Variants in VPS13C observed in about 807,000 individuals in gnomAD.
VPS13C encodes vacuolar protein sorting 13 homolog C, also known as intermembrane lipid transfer protein VPS13C.
In VPS13C, 358 loss-of-function variants were observed where a neutral mutation model predicts 456.8. The observed-to-expected ratio is 0.78, with a 90% CI of 0.72 to 0.86. The LOEUF is 0.86. VPS13C is among the 40% of genes least tolerant of loss of function. The probability of loss-of-function intolerance (pLI) is 0.00; values close to 1 mark genes in which losing one functional copy is unlikely to be tolerated. For synonymous variants in VPS13C, 1,578 were observed against 1,486.7 expected, an observed-to-expected ratio of 1.06 and a Z score of -1.41; for missense variants, 4,818 against 4,385.4, an observed-to-expected ratio of 1.10 and a Z score of -2.79.
At chr15:61,981,319 C>CA (rs781766890) in intron 22 of VPS13C, 23 bp downstream of exon 22, 8 of 1,568,888 alleles carry the variant, frequency 5.1e-6, no homozygotes, top group East Asian at 4.6e-5. Flanking sequence ...GATGGGCAGA[C>CA]AAAAAAACGC....
chr15:61,910,416 G>T (rs920083040), intron 63 of VPS13C, 111 bp from the exon 64 acceptor site: 1 of 899,058 alleles, frequency 1.1e-6, no homozygotes. Flanking sequence ...AAATTATTAT[G>T]AAGTTTCTAA....
rs2045616998 is a variant in VPS13C, at chr15:61,973,518, A to G, written c.2553T>C (p.Pro851=). ...QSPERQVSSI[P]IISGGTKGLL... ...GACCTTTTGTACCACCTGAAATAAT[A>G]GGAATTGAGGATACCTAGCAAAGAA... is the stretch of plus-strand genomic sequence containing the variant. The change falls in exon 26 of 85, where the codon CCT becomes CCC. Residue 851 remains proline, a synonymous_variant. Coordinates refer to ENST00000644861, the MANE Select transcript of VPS13C (RefSeq NM_020821.3). 1.2e-6 allele frequency: 2 copies of G among 1,612,350 alleles called. No homozygotes were observed. The highest frequency in any genetic ancestry group is 2.2e-5 in the East Asian group (1 of 44,776).
At chr15:62,051,965 C>T (rs1040420515) in intron 1 of VPS13C, among the ~76,000 whole-genome samples, 8 of 152,174 alleles carry the variant, frequency 5.3e-5, no homozygotes, top group Admixed American at 5.2e-4. Context: ...TCACTTTATA[C>T]ATGAAGAAAT....
intron 45 of VPS13C, among the ~76,000 whole-genome samples, chr15:61,942,583 C>T (rs910266640): frequency 2.7e-5 from 4 of 145,764 alleles, no homozygotes; most frequent in African/African-American, 1.0e-4. Flanking sequence ...TGAGGAAAGA[C>T]AGTTAATTGT....
intron 40 of VPS13C, 60 bp downstream of exon 40, chr15:61,950,884 TA>T (rs2044766558): frequency 1.3e-6 from 1 of 765,182 alleles, no homozygotes; most frequent in African/African-American, 2.9e-5. Context: ...ATATTAAATA[TA>T]AGGGTAATAT....
In VPS13C at chr15:61,854,177, A is replaced by G. The variant is rs1893784908; in HGVS notation, c.*280T>C. On this transcript the variant is annotated 3_prime_UTR_variant, in exon 85 of 85. Coordinates refer to ENST00000644861, the MANE Select transcript of VPS13C (RefSeq NM_020821.3). ...TATTGACCTTTGCTTCACAATTTTAATATTAATGAAAATTTCATTCTGAGT... is the reference window on the plus strand; with the variant it reads ...TATTGACCTTTGCTTCACAATTTTAGTATTAATGAAAATTTCATTCTGAGT... The G allele has an allele frequency of 6.6e-6, 3 of 451,362 alleles. No individual in the cohort carries two copies. In the Admixed American group the frequency reaches 9.9e-5, roughly 15 times the overall value. The allele number at this position is 451,362 out of a possible 1,614,324, so 28.0% of individuals were successfully genotyped here.
chr15:61,917,037 C>T (rs940592017), intron 60 of VPS13C, among the ~76,000 whole-genome samples: 3 of 152,088 alleles, frequency 2.0e-5, no homozygotes, highest in Non-Finnish European at 4.4e-5. Context: ...AGCTATGGGA[C>T]CTTGAGCCAG....
intron 6 of VPS13C, among the ~76,000 whole-genome samples, chr15:62,024,604 C>T (rs2047572104): frequency 6.6e-6 from 1 of 152,038 alleles, no homozygotes; most frequent in Non-Finnish European, 1.5e-5. Context: ...GGTCCTTCTA[C>T]CCTGTTACCA....
chr15:62,002,886 T>C (rs887918587), intron 15 of VPS13C, among the ~76,000 whole-genome samples: 1 of 152,216 alleles, frequency 6.6e-6, no homozygotes, highest in Non-Finnish European at 1.5e-5. Flanking sequence ...TATATCTCTA[T>C]TTTGGTACCA....
At chr15:62,012,244 AC>A in intron 11 of VPS13C, 80 bp from the exon 12 acceptor site, 1 of 708,508 alleles carries the variant, frequency 1.4e-6, no homozygotes, top group South Asian at 1.9e-5. Flanking sequence ...ACACACACAC[AC>A]ACACACACAC....
chr15:61,903,410 A>C (rs764865389), intron 66 of VPS13C, among the ~76,000 whole-genome samples: 14 of 150,918 alleles, frequency 9.3e-5, no homozygotes, highest in Non-Finnish European at 1.9e-4. Context: ...AAGCAATACC[A>C]TTTACAAAAG....
intron 15 of VPS13C, among the ~76,000 whole-genome samples, chr15:62,004,539 T>C (rs1411765854): frequency 6.8e-6 from 1 of 147,912 alleles, no homozygotes; most frequent in Non-Finnish European, 1.5e-5. Context: ...GCTCTGATTT[T>C]AGTTATTTCT....
chr15:61,911,631 A>T (rs947840256), intron 63 of VPS13C, among the ~76,000 whole-genome samples: 3 of 152,206 alleles, frequency 2.0e-5, no homozygotes, highest in Non-Finnish European at 4.4e-5. Flanking sequence ...TAGAAAAAAG[A>T]CTATTAATGA....
At chr15:61,879,598 T>G (rs1895706756) in intron 73 of VPS13C, 1 of 152,106 alleles carries the variant, frequency 6.6e-6, no homozygotes, top group Non-Finnish European at 1.5e-5. Context: ...CAATTCCCAC[T>G]GTGCCTAAGA....
At chr15:61,884,779 G>A (rs1323199874) in intron 67 of VPS13C, among the ~76,000 whole-genome samples, 2 of 151,978 alleles carry the variant, frequency 1.3e-5, no homozygotes, top group Non-Finnish European at 2.9e-5. Context: ...ATGGTAATCT[G>A]TAATGAGCAT....
intron 24 of VPS13C, among the ~76,000 whole-genome samples, chr15:61,976,148 G>C (rs1028373750): frequency 2.6e-5 from 4 of 151,934 alleles, no homozygotes; most frequent in African/African-American, 9.7e-5. Flanking sequence ...TCAAATTTTG[G>C]AGCATTTCAA....
rs2043601156 is a variant in VPS13C at position 61,920,111 on chromosome 15, G to C, written c.7433C>G (p.Ser2478Cys). The C allele has an allele frequency of 6.2e-7, 1 of 1,613,250 alleles. No individual in the cohort carries two copies. The highest frequency in any genetic ancestry group is 2.2e-5 in the East Asian group (1 of 44,858). The change falls in exon 57 of 85, where the codon TCT becomes TGT. Residue 2478 changes from serine (S) to cysteine (C), a missense_variant. Ser to Cys is a moderately radical substitution (Grantham distance 112). This residue lies in a region of VPS13C where 4,552 missense variants were observed against 4,130.6 expected (regional missense o/e 1.10). Transcript: ENST00000644861. ...GGAGCTTTCTTGACGGCTCAATATA[G>C]ATAGGTTCCCTTGACTTGAAGGTAC... ...SMVPSSQGNL[S>C]ILSRQESSFF... is the part of the protein sequence containing the mutation.
intron 16 of VPS13C, among the ~76,000 whole-genome samples, chr15:61,994,025 G>A (rs992388712): frequency 1.3e-5 from 2 of 152,022 alleles, no homozygotes; most frequent in African/African-American, 4.8e-5. Flanking sequence ...GATGAAGACG[G>A]ATGCAGAGCG....
chr15:62,018,572 T>C (rs1212074701), intron 9 of VPS13C, among the ~76,000 whole-genome samples: 3 of 151,928 alleles, frequency 2.0e-5, no homozygotes, highest in Admixed American at 2.0e-4. Flanking sequence ...TGGTTCTGTT[T>C]ATATGCTGGA....
Sources: allele counts gnomAD v4.1 joint callset (sites outside exome capture counted in the v4.1 genomes callset), GRCh38; gene constraint gnomAD v4.1.1; regional missense constraint gnomAD v4.1.1; transcripts MANE v1.5; gene names NCBI Gene and HGNC (gene_info 2026-07-23, HGNC 2026-07-21).